Variants in PTPRT observed in about 807,000 individuals in gnomAD.
PTPRT encodes receptor-type tyrosine-protein phosphatase T.
Under a neutral mutation model 176.8 loss-of-function variants are expected in PTPRT, and 56 were observed. The ratio of observed to expected loss-of-function variants is 0.32; its 90% CI spans 0.26 to 0.40. The LOEUF is 0.40. Among genes scored for constraint, PTPRT ranks in the 10% least tolerant of loss-of-function variants. The pLI is 1.00. For synonymous variants in PTPRT, 783 were observed against 739.0 expected (o/e 1.06, Z -0.96); for missense variants, 1,540 against 1,908.2 (o/e 0.81, Z 3.60).
chr20:43,125,359 C>T (rs1241520370), intron 1 of PTPRT, among the ~76,000 whole-genome samples: 1 of 152,076 alleles, frequency 6.6e-6, no homozygotes, highest in Non-Finnish European at 1.5e-5. Context: ...TTCTACCACC[C>T]ACACTGAATG....
At chr20:42,311,354 G>A (rs762298976) in intron 12 of PTPRT, among the ~76,000 whole-genome samples, 10 of 152,134 alleles carry the variant, frequency 6.6e-5, no homozygotes, top group Non-Finnish European at 1.5e-4. Context: ...GATAGTAAAG[G>A]TTGAATTCAT....
rs750916964 is a variant in PTPRT at position 42,106,853 on chromosome 20, C to T, written c.3323G>A (p.Gly1108Glu). The change falls in exon 24 of 31, where the codon GGG becomes GAG. Residue 1108 changes from glycine to glutamate, a missense_variant. By Grantham distance (98) the Gly-to-Glu change is moderately conservative. This residue lies in a region of PTPRT where 248 missense variants were observed against 356.7 expected (regional missense o/e 0.70). Coordinates refer to ENST00000373187, the MANE Select transcript of PTPRT (RefSeq NM_007050.6). ...CACGCAGTTGAAGATGTCCACCACCCCTTCATTCTCGGCCATGTCAAGCAT... is the reference window on the plus strand; with the variant it reads ...CACGCAGTTGAAGATGTCCACCACCTCTTCATTCTCGGCCATGTCAAGCAT... ...DTMLDMAENE[G>E]VVDIFNCVRE... 4.3e-6 allele frequency: 7 copies of T among 1,614,160 alleles called. No homozygotes were observed. The highest frequency in any genetic ancestry group is 3.3e-4 in the Middle Eastern group (2 of 6,062).
intron 6 of PTPRT, among the ~76,000 whole-genome samples, chr20:42,723,192 C>T (rs953289434): frequency 1.3e-5 from 2 of 152,164 alleles, no homozygotes; most frequent in African/African-American, 4.8e-5. Flanking sequence ...TCAGTGCTGT[C>T]TTGTCACGAT....
At position 42,314,493 on chromosome 20, in the gene PTPRT, C is replaced by A. The variant is rs559837961; in HGVS notation, c.2139+1230G>T. Among the ~76,000 whole-genome samples, 11 of 142,670 alleles carry A rather than the reference C, an allele frequency of 7.7e-5. No homozygotes were observed. The East Asian group carries it at 2.2e-3, about 29-fold the overall frequency. The allele number at this position is 142,670 out of a possible 152,430, so 93.6% of individuals were successfully genotyped here. ...GCAGTGAGCCAAGATCGCACCACTG[C>A]ACTCCAGCCTGGGCAACAGAGTGAG... On this transcript the variant is annotated intron_variant, in intron 12 of 30. Transcript: ENST00000373187.
At chr20:43,092,429 T>A (rs2011918464) in intron 1 of PTPRT, among the ~76,000 whole-genome samples, 1 of 152,232 alleles carries the variant, frequency 6.6e-6, no homozygotes, top group African/African-American at 2.4e-5. Flanking sequence ...AAATATGCAT[T>A]GTAGTATTTA....
At chr20:42,705,236 G>A (rs554059923) in intron 6 of PTPRT, among the ~76,000 whole-genome samples, 10 of 152,052 alleles carry the variant, frequency 6.6e-5, no homozygotes, top group East Asian at 1.9e-4. Context: ...TGTTACACAC[G>A]TCCATATAAA....
intron 2 of PTPRT, among the ~76,000 whole-genome samples, chr20:42,815,944 C>G (rs760654294): frequency 6.6e-6 from 1 of 152,168 alleles, no homozygotes; most frequent in African/African-American, 2.4e-5. Context: ...CCTGTTTGAA[C>G]AGAAAACTTT....
intron 2 of PTPRT, among the ~76,000 whole-genome samples, chr20:42,883,708 CCATACACACACA>C (rs2145861102): frequency 4.2e-4 from 54 of 128,744 alleles, no homozygotes; most frequent in South Asian, 7.9e-4. Context: ...CCATACACCC[CCATACACACACA>C]CCCATACACC....
At chr20:42,461,187 T>A (rs2071012685) in intron 8 of PTPRT, among the ~76,000 whole-genome samples, 1 of 151,936 alleles carries the variant, frequency 6.6e-6, no homozygotes, top group Non-Finnish European at 1.5e-5. Context: ...TTTAGCCGGG[T>A]GTGGTGGCAC....
intron 6 of PTPRT, among the ~76,000 whole-genome samples, chr20:42,680,563 T>C (rs2075586391): frequency 6.6e-6 from 1 of 152,186 alleles, no homozygotes; most frequent in Admixed American, 6.5e-5. Context: ...AGGGGTGATA[T>C]TTTGCAGCTC....
chr20:42,090,331 T>C lies in PTPRT; in HGVS notation c.3847-4478A>G, dbSNP rs144557539. On this transcript the variant is annotated intron_variant, in intron 27 of 30. Coordinates refer to ENST00000373187, the MANE Select transcript of PTPRT (RefSeq NM_007050.6). ...GTGTGGAAATTCTGGATCAGCCAGC[T>C]TGGGGTAGCTGTGAAGATGAGTAGC... Among the ~76,000 whole-genome samples, 13 of 151,260 alleles carry C rather than the reference T, an allele frequency of 8.6e-5. No homozygotes were observed. In the East Asian group the frequency reaches 2.5e-3, roughly 29 times the overall value.
At chr20:42,280,306 A>T (rs994072975) in intron 13 of PTPRT, among the ~76,000 whole-genome samples, 1 of 152,140 alleles carries the variant, frequency 6.6e-6, no homozygotes, top group Non-Finnish European at 1.5e-5. Flanking sequence ...CCTTTGTCCT[A>T]TGCTCCCCAA....
chr20:42,981,940 G>A (rs1983305939), intron 1 of PTPRT, among the ~76,000 whole-genome samples: 1 of 152,040 alleles, frequency 6.6e-6, no homozygotes, highest in Non-Finnish European at 1.5e-5. Context: ...TCTCTTTATG[G>A]GGCGCTCTTT....
At chr20:42,314,338 C>T (rs141772458) in intron 12 of PTPRT, among the ~76,000 whole-genome samples, 2,232 of 151,996 alleles carry the variant, frequency 0.015, 29 homozygotes, top group Middle Eastern at 0.024. Context: ...ACCATCCTGG[C>T]TAACACGGTA....
At chr20:42,400,221 T>C (rs1440504904) in intron 9 of PTPRT, among the ~76,000 whole-genome samples, 1 of 152,166 alleles carries the variant, frequency 6.6e-6, no homozygotes, top group Non-Finnish European at 1.5e-5. Flanking sequence ...TATTCCAGTG[T>C]CTAATTCAGG....
intron 2 of PTPRT, among the ~76,000 whole-genome samples, chr20:42,840,695 G>A (rs1047267342): frequency 3.3e-5 from 5 of 152,112 alleles, no homozygotes; most frequent in African/African-American, 9.7e-5. Flanking sequence ...TTACAGGCAC[G>A]AGCCACCATG....
At chr20:42,577,567 A>C (rs2073283061) in intron 7 of PTPRT, among the ~76,000 whole-genome samples, 1 of 152,156 alleles carries the variant, frequency 6.6e-6, no homozygotes, top group South Asian at 2.1e-4. Context: ...TCTTAATGAA[A>C]CTGCTTCAAA....
chr20:42,969,666 G>T (rs985374996), intron 1 of PTPRT: 1 of 152,094 alleles, frequency 6.6e-6, no homozygotes, highest in African/African-American at 2.4e-5. Context: ...TTTTTCGTAA[G>T]TTTGGTACAG....
rs147794171 is a variant in PTPRT at position 42,075,113 on chromosome 20, A to G, written c.*5766T>C. Reference sequence around the variant, plus strand: ...TTCTATCACTTCTAGACATGTATACATGGAAAACCTCCAACAGGGAAACTT... The same window carrying G: ...TTCTATCACTTCTAGACATGTATACGTGGAAAACCTCCAACAGGGAAACTT... On this transcript the variant is annotated 3_prime_UTR_variant, in exon 31 of 31. Transcript: ENST00000373187. 352 of 347,582 alleles carry G rather than the reference A, an allele frequency of 1.0e-3. 2 individuals are homozygous for G. Among genetic ancestry groups the G allele is most frequent in the African/African-American group, 6.8e-3 (325 of 48,004 alleles). The allele number at this position is 347,582 out of a possible 1,614,324, so 21.5% of individuals were successfully genotyped here.
Sources: gnomAD v4.1 joint callset for allele counts (sites outside exome capture counted in the v4.1 genomes callset) on GRCh38, gnomAD v4.1.1 for gene constraint, gnomAD v4.1.1 regional missense constraint, MANE v1.5 for transcripts, NCBI Gene and HGNC (gene_info 2026-07-23, HGNC 2026-07-21) for gene names.